The following NAV1 variants were observed in gnomAD, a reference collection of about 807,000 sequenced individuals.
The protein encoded by NAV1 is pore membrane and/or filament interacting like protein 3.
In NAV1, 18 loss-of-function variants were observed where a neutral mutation model predicts 175.2. That is an observed-to-expected ratio of 0.10 (90% CI 0.07 to 0.15). NAV1 has a LOEUF of 0.15. Among genes scored for constraint, NAV1 ranks in the 10% least tolerant of loss-of-function variants. The pLI is 1.00. For synonymous variants in NAV1, 897 were observed against 978.7 expected (o/e 0.92, Z 1.56); for missense variants, 1,731 against 2,436.6 (o/e 0.71, Z 6.10).
Position 201,810,736 on chromosome 1 carries a change from A to G in NAV1, c.4775A>G (p.Asn1592Ser). Residue 1592 changes from asparagine to serine, a missense_variant, in exon 24 of 30, where the codon AAC (asparagine) becomes AGC (serine). Asn to Ser is a conservative substitution (Grantham distance 46). This residue lies in a region of NAV1 where 115 missense variants were observed against 269.4 expected (regional missense o/e 0.43). Transcript: ENST00000367296. The surrounding 1 kb of genome is among the most constrained non-coding windows in gnomAD (Gnocchi z 6.0). ...ACAGAGGGCATCGTCAGCACCTTCA[A>G]CATGCACCAGCAGTCTTGCAAGGTG... The G allele has an allele frequency of 6.2e-7, 1 of 1,613,900 alleles. No homozygotes were observed. Among genetic ancestry groups the G allele is most frequent in the Non-Finnish European group, 8.5e-7 (1 of 1,179,926 alleles).
At chr1:201,777,490 G>A (rs1676029950) in intron 3 of NAV1, among the ~76,000 whole-genome samples, 1 of 150,346 alleles carries the variant, frequency 6.7e-6, no homozygotes, top group Non-Finnish European at 1.5e-5. Flanking sequence ...CAGAGGTCTT[G>A]CTTTGTTGCC....
At chr1:201,585,792 A>G (rs988160207) in intron 1 of NAV1, among the ~76,000 whole-genome samples, 14 of 152,238 alleles carry the variant, frequency 9.2e-5, no homozygotes, top group African/African-American at 1.2e-4. Context: ...GATGGCTGCT[A>G]TCAAAAGCAC....
At chr1:201,709,662 G>A (rs1488579165) in intron 1 of NAV1, among the ~76,000 whole-genome samples, 1 of 152,192 alleles carries the variant, frequency 6.6e-6, no homozygotes, top group African/African-American at 2.4e-5. Flanking sequence ...GCCACCAGGG[G>A]CCACTGCTGG....
intron 15 of NAV1, among the ~76,000 whole-genome samples, chr1:201,800,119 C>A (rs1677757101): frequency 6.6e-6 from 1 of 151,994 alleles, no homozygotes; most frequent in Admixed American, 6.6e-5. Context: ...CCCACCTAAG[C>A]CTCCGGAGTA....
At chr1:201,696,235 G>A (rs939240518) in intron 1 of NAV1, among the ~76,000 whole-genome samples, 6 of 152,158 alleles carry the variant, frequency 3.9e-5, no homozygotes, top group African/African-American at 1.4e-4. Context: ...GAGAGGGAGT[G>A]GCCCTGAAGC....
intron 1 of NAV1, among the ~76,000 whole-genome samples, chr1:201,564,629 A>G (rs1666301075): frequency 6.6e-6 from 1 of 152,242 alleles, no homozygotes; most frequent in Non-Finnish European, 1.5e-5. Flanking sequence ...TCTCAAATAA[A>G]TAAATAAATA....
chr1:201,724,740 G>A (rs1339311915), intron 3 of NAV1: 2 of 152,658 alleles, frequency 1.3e-5, no homozygotes, highest in Non-Finnish European at 2.9e-5. Context: ...GGCGACTTCT[G>A]CCACACCCTG....
intron 3 of NAV1, among the ~76,000 whole-genome samples, chr1:201,734,191 T>G (rs1171699297): frequency 6.6e-6 from 1 of 152,026 alleles, no homozygotes; most frequent in Non-Finnish European, 1.5e-5. Context: ...GCGGATTGCT[T>G]GAGCCCAGGA....
In NAV1 at chr1:201,808,551, G is replaced by A; in HGVS notation, c.3979G>A (p.Glu1327Lys). Reference sequence around the variant, plus strand: ...AATGAAGCTTACAGACATCCGCTTGGAGGCCCTCAACTCTGCCCACCAACT... The same window carrying A: ...AATGAAGCTTACAGACATCCGCTTGAAGGCCCTCAACTCTGCCCACCAACT... Residue 1327 changes from glutamate to lysine, a missense_variant, in exon 19 of 30, where the codon GAG (glutamate) becomes AAG (lysine). Physicochemically the swap from Glu to Lys is moderately conservative, Grantham distance 56. Transcript: ENST00000367296. The surrounding 1 kb of genome is among the most constrained non-coding windows in gnomAD (Gnocchi z 5.5). 6.2e-7 allele frequency: 1 copy of A among 1,614,252 alleles called. No homozygotes were observed. Among genetic ancestry groups the A allele is most frequent in the Non-Finnish European group, 8.5e-7 (1 of 1,180,048 alleles).
intron 1 of NAV1, among the ~76,000 whole-genome samples, chr1:201,671,388 C>A: frequency 6.6e-6 from 1 of 151,910 alleles, no homozygotes; most frequent in Non-Finnish European, 1.5e-5. Flanking sequence ...CTGCTTCCTG[C>A]CCCACCCCAC....
At chr1:201,727,280 T>C (rs1672649086) in intron 3 of NAV1, among the ~76,000 whole-genome samples, 1 of 152,190 alleles carries the variant, frequency 6.6e-6, no homozygotes, top group South Asian at 2.1e-4. Context: ...TGACAAAGAA[T>C]GTATTAACCT....
At chr1:201,601,917 C>T (rs938850873) in intron 2 of NAV1, among the ~76,000 whole-genome samples, 2 of 152,084 alleles carry the variant, frequency 1.3e-5, no homozygotes, top group Non-Finnish European at 1.5e-5. Context: ...GTGGTGGTGT[C>T]GAGGAGGGGA....
At chr1:201,561,818 T>A (rs1344547061) in intron 1 of NAV1, among the ~76,000 whole-genome samples, 1 of 152,164 alleles carries the variant, frequency 6.6e-6, no homozygotes, top group Non-Finnish European at 1.5e-5. Flanking sequence ...GCCTGGGAAC[T>A]CCCTGCAGGC....
chr1:201,556,658 C>A (rs1181704510), intron 1 of NAV1, among the ~76,000 whole-genome samples: 1 of 152,134 alleles, frequency 6.6e-6, no homozygotes, highest in Non-Finnish European at 1.5e-5. Flanking sequence ...GGACTCTTCC[C>A]CTCTGCTGTC....
intron 2 of NAV1, among the ~76,000 whole-genome samples, chr1:201,642,511 C>CTCTTTCTTCCTTTCTTTCTTTCTT (rs1668802280): frequency 2.2e-5 from 1 of 45,552 alleles, no homozygotes; most frequent in African/African-American, 8.2e-5. Context: ...CGCACCCGGC[C>CTCTTTCTTCCTTTCTTTCTTTCTT]TCTTTCTTTC....
At chr1:201,789,756 G>A (rs1226516001) in exon 11 of NAV1, 1 of 1,614,084 alleles carries the variant, frequency 6.2e-7, no homozygotes, top group Admixed American at 1.7e-5. Flanking sequence ...GCTCAGTGCT[G>A]TCCCTGGCCT....
intron 3 of NAV1, among the ~76,000 whole-genome samples, chr1:201,731,494 C>A (rs924954323): frequency 2.0e-5 from 3 of 152,166 alleles, no homozygotes; most frequent in Non-Finnish European, 4.4e-5. Flanking sequence ...GCCTACCCCC[C>A]TTCTCCTTTG....
At chr1:201,614,157 G>A (rs1388444608) in intron 2 of NAV1, among the ~76,000 whole-genome samples, 2 of 152,150 alleles carry the variant, frequency 1.3e-5, no homozygotes. Flanking sequence ...TGAGTTCAGA[G>A]ATACTCCAGC....
intron 1 of NAV1, among the ~76,000 whole-genome samples, chr1:201,671,752 G>A (rs1369833375): frequency 6.6e-6 from 1 of 152,188 alleles, no homozygotes; most frequent in Admixed American, 6.5e-5. Context: ...CTGGTCAGCA[G>A]ACCTGGCCAT....
Sources: gnomAD v4.1 joint callset for allele counts (sites outside exome capture counted in the v4.1 genomes callset) on GRCh38, gnomAD v4.1.1 for gene constraint, gnomAD v4.1.1 regional missense constraint, Gnocchi (gnomAD v3.1) non-coding constraint, MANE v1.5 for transcripts, NCBI Gene and HGNC (gene_info 2026-07-23, HGNC 2026-07-21) for gene names.